SMARCAL1: variants seen among roughly 807,000 people sequenced by gnomAD.
SMARCAL1 encodes SNF2 related chromatin remodeling annealing helicase 1.
A neutral mutation model predicts 94.5 loss-of-function variants in SMARCAL1; 58 were observed. The observed-to-expected ratio is 0.61, with a 90% CI of 0.50 to 0.76. SMARCAL1 has a LOEUF of 0.76. Among genes scored for constraint, SMARCAL1 ranks in the 30% least tolerant of loss-of-function variants. The pLI is 0.00. For missense variants in SMARCAL1, 1,051 were observed against 1,177.9 expected (o/e 0.89, Z 1.58); for synonymous variants, 422 against 455.1 (o/e 0.93, Z 0.93).
intron 5 of SMARCAL1, among the ~76,000 whole-genome samples, chr2:216,421,612 G>A (rs576564151): frequency 6.6e-6 from 1 of 152,202 alleles, no homozygotes; most frequent in Non-Finnish European, 1.5e-5. Flanking sequence ...TTTTCATGAG[G>A]TTCTTCATAA....
rs1353593663 is a variant in SMARCAL1 at position 216,475,333 on chromosome 2, A to G, written c.2309A>G (p.Gln770Arg). The G allele has an allele frequency of 6.2e-7, 1 of 1,614,228 alleles. No individual in the cohort carries two copies. The highest frequency in any genetic ancestry group is 1.7e-5 in the Admixed American group (1 of 60,024). Reference protein sequence around the residue: ...SSAEREDLCQQFQLSERHAVA... With the variant: ...SSAEREDLCQRFQLSERHAVA... ...GCTGAGCGGGAGGACCTGTGCCAGC[A>G]GTTCCAACTGTCGGAGAGGCATGCT... Residue 770 changes from glutamine to arginine, a missense_variant, in exon 15 of 18, where the codon CAG becomes CGG. Physicochemically the swap from Gln to Arg is conservative, Grantham distance 43. Transcript: ENST00000357276. The surrounding 1 kb of genome is among the most constrained non-coding windows in gnomAD (Gnocchi z 4.4).
At chr2:216,448,210 A>T (rs1694360504) in intron 11 of SMARCAL1, among the ~76,000 whole-genome samples, 1 of 152,178 alleles carries the variant, frequency 6.6e-6, no homozygotes, top group South Asian at 2.1e-4. Context: ...CACTTCTTTA[A>T]TCATATATTT....
intron 14 of SMARCAL1, among the ~76,000 whole-genome samples, chr2:216,469,364 C>T (rs1311620601): frequency 1.3e-5 from 2 of 149,718 alleles, no homozygotes; most frequent in Non-Finnish European, 2.9e-5. Context: ...TCACTGCAAG[C>T]TCCACCTCCC....
chr2:216,415,452 G>C lies in SMARCAL1; in HGVS notation c.748G>C (p.Val250Leu), dbSNP rs1693575449. Residue 250 changes from valine to leucine, a missense_variant, in exon 3 of 18, where the codon GTG (valine) becomes CTG (leucine). Val to Leu is a conservative substitution (Grantham distance 32). Around this residue, in one of 3 missense-constraint regions of SMARCAL1, gnomAD observed 398 missense variants for 395.2 expected, o/e 1.01. Coordinates refer to ENST00000357276, the MANE Select transcript of SMARCAL1 (RefSeq NM_014140.4). ...CGTAAGGAACGGCGATCGTTTCCAG[G>C]TGTTGATTGGGTACAATGCGGAACT... ...KCVRNGDRFQVLIGYNAELIA... is the reference protein window; with the variant it reads ...KCVRNGDRFQLLIGYNAELIA... 6.2e-7 allele frequency: 1 copy of C among 1,614,200 alleles called. No individual in the cohort carries two copies. The highest frequency in any genetic ancestry group is 8.5e-7 in the Non-Finnish European group (1 of 1,180,046).
intron 4 of SMARCAL1, among the ~76,000 whole-genome samples, chr2:216,419,937 G>T (rs1178736793): frequency 1.3e-5 from 2 of 148,892 alleles, no homozygotes; most frequent in Non-Finnish European, 3.0e-5. Context: ...GTCTGAGGTG[G>T]AGGATAACTT....
At chr2:216,480,117 CCTTT>C (rs1695165393) in intron 17 of SMARCAL1, among the ~76,000 whole-genome samples, 1 of 152,116 alleles carries the variant, frequency 6.6e-6, no homozygotes, top group African/African-American at 2.4e-5. Flanking sequence ...TTCCTCCTTG[CCTTT>C]CTCTTACTCT....
intron 1 of SMARCAL1, among the ~76,000 whole-genome samples, chr2:216,413,528 A>G (rs1693513373): frequency 6.6e-6 from 1 of 152,196 alleles, no homozygotes; most frequent in Admixed American, 6.5e-5. Flanking sequence ...AATCCGAACT[A>G]TATACTCTAA....
chr2:216,450,640 C>T (rs2106054638), intron 11 of SMARCAL1, among the ~76,000 whole-genome samples: 1 of 152,274 alleles, frequency 6.6e-6, no homozygotes, highest in East Asian at 1.9e-4. Context: ...GTTTTTTATT[C>T]ATCTCATTCC....
In SMARCAL1 at chr2:216,414,753, C is replaced by T. The variant is rs119473034; in HGVS notation, c.49C>T (p.Arg17Ter). 6 of 1,614,158 alleles carry T rather than the reference C, an allele frequency of 3.7e-6. No individual in the cohort carries two copies. The highest frequency in any genetic ancestry group is 1.1e-5 in the South Asian group (1 of 91,078). The change falls in exon 3 of 18, where the codon CGA becomes TGA. Residue 17 changes from arginine (R) to a stop codon, truncating the protein, a stop_gained. Coordinates refer to ENST00000357276, the MANE Select transcript of SMARCAL1 (RefSeq NM_014140.4). LOFTEE classifies it high-confidence loss of function. ...GCAGAGGAAAAAGATTGAAGAGAATCGACAAAAGGCTCTGGCCCGCAGAGC... is the reference window on the plus strand; with the variant it reads ...GCAGAGGAAAAAGATTGAAGAGAATTGACAAAAGGCTCTGGCCCGCAGAGC... ...EEQRKKIEENRQKALARRAEK... is the reference protein window; with the variant it reads ...EEQRKKIEEN
At chr2:216,450,637 A>G (rs577267262) in intron 11 of SMARCAL1, among the ~76,000 whole-genome samples, 1 of 152,286 alleles carries the variant, frequency 6.6e-6, no homozygotes, top group Admixed American at 6.5e-5. Context: ...GGTGTTTTTT[A>G]TTCATCTCAT....
rs748882124 is a variant in SMARCAL1, at chr2:216,416,351, T to C, written c.862+44T>C. 14 of 1,526,416 alleles carry C rather than the reference T, an allele frequency of 9.2e-6. No homozygotes were observed. The Admixed American group carries it at 2.3e-4, about 26-fold the overall frequency. The allele number at this position is 1,526,416 out of a possible 1,614,324, so 94.6% of individuals were successfully genotyped here. A position where few individuals can be genotyped will look rare whatever the true frequency, so the allele number is the denominator to read the frequency against. On this transcript the variant is annotated intron_variant, in intron 4 of 17. Coordinates refer to ENST00000357276, the MANE Select transcript of SMARCAL1 (RefSeq NM_014140.4). ...GTCTCATGGAGGGTGGCACTGGTGCTGAAAATCTTTAGAGTATCACATGTA... is the reference window on the plus strand; with the variant it reads ...GTCTCATGGAGGGTGGCACTGGTGCCGAAAATCTTTAGAGTATCACATGTA...
intron 9 of SMARCAL1, among the ~76,000 whole-genome samples, chr2:216,437,262 C>T (rs1332632257): frequency 6.6e-6 from 1 of 152,210 alleles, no homozygotes; most frequent in Non-Finnish European, 1.5e-5. Flanking sequence ...TTTTACTTGA[C>T]TGTAATGAGG....
chr2:216,429,131 C>G (rs1693905590), intron 7 of SMARCAL1, among the ~76,000 whole-genome samples: 2 of 152,250 alleles, frequency 1.3e-5, no homozygotes, highest in Admixed American at 1.3e-4. Flanking sequence ...TGTTTGTTTG[C>G]TCTGTTCCCA....
rs1199216201 is a variant in SMARCAL1, at chr2:216,428,664, G to A, written c.1216G>A (p.Ala406Thr). ...PLPTTLTLAF[A>T]SQLKKTSLSL... is the part of the protein sequence containing the mutation. ...GCCCACGACTCTCACCCTGGCGTTT[G>A]CTTCTCAGCTCAAGAAGACATCTCT... The change falls in exon 7 of 18, where the codon GCT becomes ACT. Residue 406 changes from alanine (A) to threonine (T), a missense_variant. Physicochemically the swap from Ala to Thr is moderately conservative, Grantham distance 58 (BLOSUM62 0). Transcript: ENST00000357276. The A allele has an allele frequency of 6.2e-7, 1 of 1,614,166 alleles. No individual in the cohort carries two copies.
rs957196907 is a variant in SMARCAL1 at position 216,467,166 on chromosome 2, C to G, written c.2142-778C>G. 2.6e-5 allele frequency among the ~76,000 whole-genome samples: 4 copies of G among 152,116 alleles called. No individual in the cohort carries two copies. In the East Asian group the frequency reaches 5.8e-4, roughly 22 times the overall value. Reference sequence around the variant, plus strand: ...TGAGGGTAGCCACCTTAAGGCCAAGCGAAAGATAAGAGGTGGGAAGCTTGC... The same window carrying G: ...TGAGGGTAGCCACCTTAAGGCCAAGGGAAAGATAAGAGGTGGGAAGCTTGC... On this transcript the variant is annotated intron_variant, in intron 13 of 17. Coordinates refer to ENST00000357276, the MANE Select transcript of SMARCAL1 (RefSeq NM_014140.4).
intron 3 of SMARCAL1, 45 bp from the exon 4 acceptor site, chr2:216,416,212 T>G: frequency 6.4e-7 from 1 of 1,561,112 alleles, no homozygotes; most frequent in Non-Finnish European, 8.8e-7. Context: ...GTTGAGTGCC[T>G]AAGTACAAAT....
chr2:216,424,736 A>G (rs1176934916), intron 6 of SMARCAL1, among the ~76,000 whole-genome samples: 2 of 152,256 alleles, frequency 1.3e-5, no homozygotes, highest in African/African-American at 4.8e-5. Context: ...GGAATTAAAT[A>G]TAAAGGAAGA....
intron 12 of SMARCAL1, among the ~76,000 whole-genome samples, chr2:216,464,105 G>A (rs1351639883): frequency 2.0e-5 from 3 of 152,154 alleles, no homozygotes; most frequent in Admixed American, 1.3e-4. Flanking sequence ...GGGTCCATTG[G>A]AATTGATTCA....
intron 14 of SMARCAL1, among the ~76,000 whole-genome samples, chr2:216,474,949 G>A (rs985348693): frequency 6.6e-6 from 1 of 152,066 alleles, no homozygotes; most frequent in South Asian, 2.1e-4. Context: ...CACACATACA[G>A]TAAAACAAGA....
Sources: gnomAD v4.1 joint callset for allele counts (sites outside exome capture counted in the v4.1 genomes callset) on GRCh38, gnomAD v4.1.1 for gene constraint, gnomAD v4.1.1 regional missense constraint, Gnocchi (gnomAD v3.1) non-coding constraint, MANE v1.5 for transcripts, NCBI Gene and HGNC (gene_info 2026-07-23, HGNC 2026-07-21) for gene names.